Variants in PMM2 observed in about 807,000 individuals in gnomAD.
PMM2 encodes the protein phosphomannomutase 2.
PMM2 carries 35 observed loss-of-function variants against 33.2 expected under a neutral mutation model. The observed-to-expected ratio is 1.06, with a 90% CI of 0.81 to 1.40. The LOEUF (loss-of-function observed/expected upper bound fraction) is 1.40. PMM2 is among the 40% of genes most tolerant of loss of function. The pLI, the probability that PMM2 is intolerant of heterozygous loss-of-function variation, is 0.00. For missense variants in PMM2, 386 were observed against 306.0 expected, an observed-to-expected ratio of 1.26 and a Z score of -1.95; for synonymous variants, 153 against 114.7, an observed-to-expected ratio of 1.33 and a Z score of -2.13.
intron 2 of PMM2, among the ~76,000 whole-genome samples, chr16:8,803,023 A>G (rs879794037): frequency 1.3e-5 from 2 of 152,080 alleles, no homozygotes; most frequent in Non-Finnish European, 2.9e-5. Flanking sequence ...GTCTTTAGCA[A>G]CATCCCAGGC....
intron 7 of PMM2, among the ~76,000 whole-genome samples, chr16:8,843,514 C>CCGCAGGCATTCCTTGG (rs1212226668): frequency 1.9e-5 from 1 of 52,046 alleles, no homozygotes; most frequent in East Asian, 5.7e-4. Flanking sequence ...CATTCCTTGG[C>CCGCAGGCATTCCTTGG]CCTGGTAGTC....
rs146990448 is a variant in PMM2, at chr16:8,811,172, C to G, written c.441C>G (p.Leu147=). 1.9e-6 allele frequency: 3 copies of G among 1,547,050 alleles called. No homozygotes were observed. The highest frequency in any genetic ancestry group is 4.7e-5 in the East Asian group (2 of 42,262). ...AAGAACGCATTGAGTTCTACGAACT[C>G]GATAAAGTACGTCTTTCTGAAATAT... ...SQEERIEFYE[L]DKKENIRQKF... Residue 147 remains leucine (L), a synonymous_variant, in exon 5 of 8, where the codon CTC becomes CTG. Transcript: ENST00000268261.
intron 7 of PMM2, among the ~76,000 whole-genome samples, chr16:8,821,087 T>C (rs2060736911): frequency 6.6e-6 from 1 of 152,206 alleles, no homozygotes; most frequent in Admixed American, 6.5e-5. Context: ...TGGATAGATC[T>C]GTCTTACTAC....
intron 3 of PMM2, among the ~76,000 whole-genome samples, chr16:8,805,781 G>A (rs1323141785): frequency 6.6e-6 from 1 of 151,928 alleles, no homozygotes; most frequent in Non-Finnish European, 1.5e-5. Flanking sequence ...GTAGAGGCAG[G>A]GTTTCACCAT....
At chr16:8,837,537 T>C (rs964519532) in intron 7 of PMM2, among the ~76,000 whole-genome samples, 1 of 151,608 alleles carries the variant, frequency 6.6e-6, no homozygotes, top group Admixed American at 6.6e-5. Flanking sequence ...TGGGGGGTTC[T>C]TGCCCTCCAG....
At position 8,848,328 on chromosome 16, in the gene PMM2, A is replaced by C; in HGVS notation, c.*503A>C. Reference sequence around the variant, plus strand: ...AAGTTTACAAACACCTCCTGGAACGAAGCTCCCGCCTGCATGTCACCTTGA... The same window carrying C: ...AAGTTTACAAACACCTCCTGGAACGCAGCTCCCGCCTGCATGTCACCTTGA... On this transcript the variant is annotated 3_prime_UTR_variant, in exon 8 of 8. Transcript: ENST00000268261. 1 of 187,506 alleles carries C rather than the reference A, an allele frequency of 5.3e-6. No homozygotes were observed. Among genetic ancestry groups the C allele is most frequent in the Non-Finnish European group, 1.1e-5 (1 of 88,268 alleles). 11.6% of individuals were successfully genotyped at this position (187,506 alleles called of 1,614,324 possible). A position where few individuals can be genotyped will look rare whatever the true frequency, so the allele number is the denominator to read the frequency against.
chr16:8,811,733 T>C lies in PMM2; in HGVS notation c.523+20T>C. 6.5e-7 allele frequency: 1 copy of C among 1,544,590 alleles called. No homozygotes were observed. The highest frequency in any genetic ancestry group is 9.0e-7 in the Non-Finnish European group (1 of 1,116,622). The stretch of plus-strand genomic sequence containing the variant: ...CCATAGGTATTGTATATATTGCCTG[T>C]GTTCCAAACTTGGATACCCATTTCC... On this transcript the variant is annotated intron_variant, in intron 6 of 7. Transcript: ENST00000268261.
At chr16:8,841,107 G>A (rs894155308) in intron 7 of PMM2, among the ~76,000 whole-genome samples, 1 of 151,968 alleles carries the variant, frequency 6.6e-6, no homozygotes, top group African/African-American at 2.4e-5. Context: ...TTAAGTTGGA[G>A]GCTGAGCTTG....
chr16:8,802,735 C>T (rs1263615419), intron 2 of PMM2, among the ~76,000 whole-genome samples: 1 of 151,694 alleles, frequency 6.6e-6, no homozygotes, highest in South Asian at 2.1e-4. Flanking sequence ...GAGGCCGAGG[C>T]AGGAGAATTG....
intron 4 of PMM2, 35 bp from the exon 5 acceptor site, chr16:8,811,043 GT>G: frequency 1.6e-6 from 2 of 1,282,854 alleles, no homozygotes; most frequent in Non-Finnish European, 2.2e-6. Context: ...TGAATAACGT[GT>G]TTTTGGAGAA....
intron 2 of PMM2, among the ~76,000 whole-genome samples, chr16:8,804,031 G>GTTTTTTGTT (rs778630854): frequency 6.1e-4 from 53 of 87,438 alleles, no homozygotes; most frequent in South Asian, 1.5e-3. Context: ...GGTTTTTTTT[G>GTTTTTTGTT]TTTTTTTTTT....
At chr16:8,799,519 T>C (rs1037700922) in intron 1 of PMM2, among the ~76,000 whole-genome samples, 1 of 151,810 alleles carries the variant, frequency 6.6e-6, no homozygotes, top group Admixed American at 6.6e-5. Context: ...TTCAGGAAAG[T>C]GCTTCTGATT....
At chr16:8,841,680 A>C (rs1328305577) in intron 7 of PMM2, among the ~76,000 whole-genome samples, 1 of 140,284 alleles carries the variant, frequency 7.1e-6, no homozygotes, top group Non-Finnish European at 1.6e-5. Context: ...CGCCATCAAT[A>C]AATCAAGCGT....
intron 7 of PMM2, among the ~76,000 whole-genome samples, chr16:8,844,415 G>T (rs188783370): frequency 1.3e-5 from 2 of 152,058 alleles, no homozygotes; most frequent in African/African-American, 4.8e-5. Context: ...ACAGAGATAC[G>T]AGTTTGGGGT....
chr16:8,832,279 CCGTGCGGCTCT>C (rs2060814858), intron 7 of PMM2: 1 of 985,328 alleles, frequency 1.0e-6, no homozygotes, highest in South Asian at 4.7e-5. Context: ...CTCCTGCGAG[CCGTGCGGCTCT>C]CTGAAAGCGG....
At chr16:8,828,626 G>T (rs1384513271) in intron 7 of PMM2, among the ~76,000 whole-genome samples, 1 of 152,104 alleles carries the variant, frequency 6.6e-6, no homozygotes, top group Non-Finnish European at 1.5e-5. Context: ...CCAAAGTCAA[G>T]TTTTTCAGGA....
rs1347345885 is a variant in PMM2, at chr16:8,832,452, C to A, written c.640-15272C>A. ...CACTCAGATTCCACAGACACCTCCCCACCAGCCCCCAGCAGGACCACGGGA... is the reference window on the plus strand; with the variant it reads ...CACTCAGATTCCACAGACACCTCCCAACCAGCCCCCAGCAGGACCACGGGA... On this transcript the variant is annotated intron_variant, in intron 7 of 7. Transcript: ENST00000268261. 3 of 985,270 alleles carry A rather than the reference C, an allele frequency of 3.0e-6. No individual in the cohort carries two copies. In the African/African-American group the frequency reaches 5.2e-5, roughly 17 times the overall value. The allele number at this position is 985,270 out of a possible 1,614,324, so 61.0% of individuals were successfully genotyped here.
chr16:8,801,658 G>C, intron 1 of PMM2, 141 bp from the exon 2 acceptor site: 1 of 523,420 alleles, frequency 1.9e-6, no homozygotes, highest in Non-Finnish European at 3.5e-6. Flanking sequence ...GGTGACAAGT[G>C]AGACCCTATC....
At chr16:8,812,292 G>A (rs116716219) in intron 6 of PMM2, among the ~76,000 whole-genome samples, 92 of 152,304 alleles carry the variant, frequency 6.0e-4, no homozygotes, top group African/African-American at 2.1e-3. Flanking sequence ...CCTGCAGCAC[G>A]GACATCTCAG....
Sources: allele counts gnomAD v4.1 joint callset (sites outside exome capture counted in the v4.1 genomes callset), GRCh38; gene constraint gnomAD v4.1.1; transcripts MANE v1.5; gene names NCBI Gene and HGNC (gene_info 2026-07-23, HGNC 2026-07-21).